AGTPBP1: variants seen among roughly 807,000 people sequenced by gnomAD.
AGTPBP1 encodes the protein ATP/GTP binding carboxypeptidase 1, also known as cytosolic carboxypeptidase 1.
Under a neutral mutation model 143.9 loss-of-function variants are expected in AGTPBP1, and 70 were observed. That is an observed-to-expected ratio of 0.49 (90% CI 0.40 to 0.59). AGTPBP1 has a LOEUF of 0.59. Among genes scored for constraint, AGTPBP1 ranks in the 20% least tolerant of loss-of-function variants. The pLI, the probability that AGTPBP1 is intolerant of heterozygous loss-of-function variation, is 0.00. For synonymous variants in AGTPBP1, 463 were observed against 500.2 expected (o/e 0.93, Z 0.99); for missense variants, 1,229 against 1,464.5 (o/e 0.84, Z 2.62).
chr9:85,549,328 C>T (rs1182949093), intron 25 of AGTPBP1, among the ~76,000 whole-genome samples: 1 of 152,142 alleles, frequency 6.6e-6, no homozygotes, highest in Non-Finnish European at 1.5e-5. Context: ...CAGTGTCTCC[C>T]ATCAGGTAGG....
intron 13 of AGTPBP1, among the ~76,000 whole-genome samples, chr9:85,641,788 T>C (rs1359941449): frequency 2.6e-5 from 4 of 151,854 alleles, no homozygotes; most frequent in African/African-American, 9.7e-5. Flanking sequence ...GCAACCTCCA[T>C]CTCCCAGGTC....
At chr9:85,758,488 T>C in the AGTPBP1 span, among the ~76,000 whole-genome samples, 1 of 152,164 alleles carries the variant, frequency 6.6e-6, no homozygotes, top group Admixed American at 6.5e-5. Context: ...CTTCTAAAAA[T>C]ACAAAAATTA....
rs1414114585 is a variant in AGTPBP1, at chr9:85,633,190, T to A, written c.1487A>T (p.Asp496Val). Residue 496 changes from aspartate (D) to valine (V), a missense_variant, in exon 14 of 26, where the codon GAT (aspartate) becomes GTT (valine). Asp to Val is a radical substitution (Grantham distance 152). Transcript: ENST00000357081. The stretch of plus-strand genomic sequence containing the variant: ...ATCTTTAATATCTTCTTTTGCTAGA[T>A]CCATAAAGGTAGACTTCTTTTCACC... ...DEGEKKSTFM[D>V]LAKEDIKDND... The A allele has an allele frequency of 1.2e-6, 2 of 1,613,320 alleles. No homozygotes were observed. The highest frequency in any genetic ancestry group is 2.7e-5 in the African/African-American group (2 of 74,832).
At chr9:85,627,224 T>C (rs1380297243) in intron 14 of AGTPBP1, among the ~76,000 whole-genome samples, 1 of 152,114 alleles carries the variant, frequency 6.6e-6, no homozygotes, top group East Asian at 1.9e-4. Context: ...TTGAGAAAAT[T>C]GTTATCCAGA....
rs543242946 is a variant in AGTPBP1 at position 85,690,308 on chromosome 9, C to T, written c.157+2381G>A. Among the ~76,000 whole-genome samples, 14 of 152,306 alleles carry T rather than the reference C, an allele frequency of 9.2e-5. 1 individual carries two copies. The South Asian group carries it at 1.4e-3, about 16-fold the overall frequency. ...ATTATCCTATAAAGGATGGAACTGC[C>T]TTTCACTACCAACTTATACTGTGTT... is the stretch of plus-strand genomic sequence containing the variant. On this transcript the variant is annotated intron_variant, in intron 3 of 25. Transcript: ENST00000357081.
chr9:85,662,222 G>C (rs1359332857), intron 8 of AGTPBP1, among the ~76,000 whole-genome samples: 3 of 152,142 alleles, frequency 2.0e-5, no homozygotes, highest in Admixed American at 1.3e-4. Flanking sequence ...CACAGGGTAA[G>C]TGCTCAACAA....
chr9:85,586,184 A>G (rs1238285417), intron 22 of AGTPBP1, among the ~76,000 whole-genome samples: 2 of 151,880 alleles, frequency 1.3e-5, no homozygotes, highest in Admixed American at 1.3e-4. Flanking sequence ...CAGCCTGGGC[A>G]ACAAGAGCAA....
At chr9:85,684,495 C>A (rs1835373195) in intron 3 of AGTPBP1, among the ~76,000 whole-genome samples, 1 of 151,932 alleles carries the variant, frequency 6.6e-6, no homozygotes, top group South Asian at 2.1e-4. Flanking sequence ...TATTATTCCA[C>A]ATACTTACCA....
the AGTPBP1 span, among the ~76,000 whole-genome samples, chr9:85,774,305 GT>G: frequency 1.4e-4 from 22 of 152,046 alleles, no homozygotes; most frequent in Admixed American, 1.2e-3. Flanking sequence ...TGTTGGTCTA[GT>G]TTTTATGTAG....
At chr9:85,554,555 A>C (rs1276358818) in intron 25 of AGTPBP1, among the ~76,000 whole-genome samples, 7 of 152,144 alleles carry the variant, frequency 4.6e-5, no homozygotes, top group African/African-American at 7.2e-5. Flanking sequence ...GGTTTCATAC[A>C]TTTTGCAACC....
the AGTPBP1 span, among the ~76,000 whole-genome samples, chr9:85,803,968 C>G: frequency 6.6e-6 from 1 of 152,134 alleles, no homozygotes; most frequent in Non-Finnish European, 1.5e-5. Context: ...TCTATAGATT[C>G]TGCATGCACA....
intron 23 of AGTPBP1, among the ~76,000 whole-genome samples, chr9:85,580,066 T>A (rs562218142): frequency 2.0e-5 from 3 of 151,760 alleles, no homozygotes; most frequent in African/African-American, 7.2e-5. Context: ...TGAAACACCG[T>A]CTTTACTAAA....
chr9:85,640,368 G>A (rs950766199), intron 13 of AGTPBP1, among the ~76,000 whole-genome samples: 4 of 152,160 alleles, frequency 2.6e-5, no homozygotes, highest in Admixed American at 1.3e-4. Context: ...AATAAAAGAC[G>A]ATATGCTATT....
chr9:85,742,026 G>A (rs1824350330), upstream of AGTPBP1: 4 of 1,198,876 alleles, frequency 3.3e-6, no homozygotes, highest in Non-Finnish European at 4.1e-6. Context: ...CCCAGCACGC[G>A]CAGGGAGTGG....
At chr9:85,649,745 A>G (rs1033416344) in intron 11 of AGTPBP1, among the ~76,000 whole-genome samples, 4 of 152,124 alleles carry the variant, frequency 2.6e-5, no homozygotes, top group Non-Finnish European at 5.9e-5. Context: ...CTACACTGAT[A>G]TGATTTTTAT....
rs1825767108 is a variant in AGTPBP1, at chr9:85,546,815, T to C, written c.*294A>G. ...AAAATTATCCACTTGATGCAGGATA[T>C]AACCATAGGGAGATAAAAATTCATG... On this transcript the variant is annotated 3_prime_UTR_variant, in exon 26 of 26. Coordinates refer to ENST00000357081, the MANE Select transcript of AGTPBP1 (RefSeq NM_001330701.2). 1 of 207,164 alleles carries C rather than the reference T, an allele frequency of 4.8e-6. No individual in the cohort carries two copies. Among genetic ancestry groups the C allele is most frequent in the African/African-American group, 2.3e-5 (1 of 43,592 alleles). 12.8% of individuals were successfully genotyped at this position (207,164 alleles called of 1,614,324 possible).
intron 17 of AGTPBP1, among the ~76,000 whole-genome samples, chr9:85,609,224 T>G (rs1418905104): frequency 1.3e-5 from 2 of 152,118 alleles, no homozygotes; most frequent in African/African-American, 4.8e-5. Flanking sequence ...TACTCCCTAA[T>G]TGTTCATTGA....
chr9:85,707,723 CT>C (rs1837100972), intron 2 of AGTPBP1, among the ~76,000 whole-genome samples: 1 of 152,204 alleles, frequency 6.6e-6, no homozygotes, highest in Admixed American at 6.5e-5. Flanking sequence ...ACTAACCTCA[CT>C]GCTTAAAAAC....
intron 5 of AGTPBP1, among the ~76,000 whole-genome samples, chr9:85,678,076 G>A (rs1834945908): frequency 6.6e-6 from 1 of 152,096 alleles, no homozygotes; most frequent in African/African-American, 2.4e-5. Flanking sequence ...TTAGAAAATA[G>A]CACACAAAGG....
Sources: gnomAD v4.1 joint callset for allele counts (sites outside exome capture counted in the v4.1 genomes callset) on GRCh38, gnomAD v4.1.1 for gene constraint, MANE v1.5 for transcripts, NCBI Gene and HGNC (gene_info 2026-07-23, HGNC 2026-07-21) for gene names.